Variants in TFR2 observed in about 807,000 individuals in gnomAD.
The protein encoded by TFR2 is transferrin receptor protein 2.
TFR2 carries 64 observed loss-of-function variants against 91.9 expected under a neutral mutation model. That is an observed-to-expected ratio of 0.70 (90% CI 0.57 to 0.86). TFR2 has a LOEUF of 0.86. TFR2 is among the 40% of genes least tolerant of loss of function. TFR2 has a pLI of 0.00. For missense variants in TFR2, 950 were observed against 1,080.5 expected (o/e 0.88, Z 1.69); for synonymous variants, 454 against 459.6 (o/e 0.99, Z 0.15).
At chr7:100,634,149 C>T (rs938755921) in intron 3 of TFR2, among the ~76,000 whole-genome samples, 1 of 151,392 alleles carries the variant, frequency 6.6e-6, no homozygotes, top group Non-Finnish European at 1.5e-5. Context: ...GCCAAACTCT[C>T]TCCCCCAACC....
chr7:100,624,793 G>GC (rs1240065510), intron 17 of TFR2, among the ~76,000 whole-genome samples: 2 of 151,842 alleles, frequency 1.3e-5, no homozygotes, highest in Admixed American at 6.6e-5. Context: ...GATTGCTTGA[G>GC]CCCGGGAGGT....
Position 100,626,797 on chromosome 7 carries a change from C to G in TFR2, c.2102G>C (p.Arg701Pro). ...GCGCACGTTGTACATGCGTGTCAGTCGCTCGTCTCTCTCCTCCGAGCTGTA... is the reference window on the plus strand; with the variant it reads ...GCGCACGTTGTACATGCGTGTCAGTGGCTCGTCTCTCTCCTCCGAGCTGTA... The part of the protein sequence containing the change: ...EIYSSEERDE[R>P]LTRMYNVRIM... Residue 701 changes from arginine (R) to proline (P), a missense_variant, in exon 17 of 18, where the codon CGA becomes CCA. Transcript: ENST00000223051. The G allele has an allele frequency of 1.3e-6, 2 of 1,548,380 alleles. No individual in the cohort carries two copies. The highest frequency in any genetic ancestry group is 1.7e-6 in the Non-Finnish European group (2 of 1,146,908).
At position 100,628,280 on chromosome 7, in the gene TFR2, AGAG is replaced by A. The variant is rs1803326430; in HGVS notation, c.1414_1416del (p.Leu472del). ...AAGTCACCACCGTCCCAGCTGATGA[AGAG>A]GAGACTTCTGCGGGGCCGGAAGCCT... On this transcript the variant is annotated inframe_deletion, in exon 11 of 18. Coordinates refer to ENST00000223051, the MANE Select transcript of TFR2 (RefSeq NM_003227.4). The A allele has an allele frequency of 6.2e-7, 1 of 1,613,966 alleles. No homozygotes were observed. Among genetic ancestry groups the A allele is most frequent in the Non-Finnish European group, 8.5e-7 (1 of 1,179,940 alleles).
At chr7:100,634,884 T>C (rs1467213597) in intron 3 of TFR2, among the ~76,000 whole-genome samples, 1 of 152,180 alleles carries the variant, frequency 6.6e-6, no homozygotes, top group Non-Finnish European at 1.5e-5. Context: ...GCAATCTAAA[T>C]CAGGATCCTG....
At chr7:100,631,648 C>G (rs1217409867) in intron 8 of TFR2, 158 bp downstream of exon 8, 4 of 969,700 alleles carry the variant, frequency 4.1e-6, no homozygotes, top group South Asian at 1.9e-5. Context: ...GTCAGGGTCT[C>G]TCTGTCTCCC....
intron 3 of TFR2, among the ~76,000 whole-genome samples, chr7:100,637,549 A>G (rs1308394648): frequency 6.6e-6 from 1 of 152,198 alleles, no homozygotes; most frequent in Admixed American, 6.6e-5. Flanking sequence ...AGCTAAGATC[A>G]TGCCACTGTA....
rs759516749 is a variant in TFR2 at position 100,627,436 on chromosome 7, T to C, written c.1823A>G (p.His608Arg). The change falls in exon 16 of 18, where the codon CAT becomes CGT. Residue 608 changes from histidine (H) to arginine (R), a missense_variant. Coordinates refer to ENST00000223051, the MANE Select transcript of TFR2 (RefSeq NM_003227.4). The stretch of plus-strand genomic sequence containing the variant: ...GGGCAGGCGGCCTTGCAGCACCTTA[T>C]GCAGGTTCTCATAAGTGTCCTCCTT... ...HTKEDTYENL[H>R]KVLQGRLPAV... The C allele has an allele frequency of 1.2e-5, 19 of 1,591,292 alleles. No homozygotes were observed. The highest frequency in any genetic ancestry group is 9.0e-5 in the Admixed American group (5 of 55,314).
In TFR2 at chr7:100,641,174, G is replaced by A. The variant is rs758433785; in HGVS notation, c.88C>T (p.Arg30Trp). ...QTVYQRVEGPRKGHLEEEEED... is the reference protein window; with the variant it reads ...QTVYQRVEGPWKGHLEEEEED... ...TCTTCCTCCTCCAGGTGCCCTTTCC[G>A]GGGGCCTTCCACACGCTGGTAGACG... The change falls in exon 2 of 18, where the codon CGG becomes TGG. Residue 30 changes from arginine (R) to tryptophan (W), a missense_variant. Physicochemically the swap from Arg to Trp is moderately radical, Grantham distance 101 (BLOSUM62 -3). Transcript: ENST00000223051. The A allele has an allele frequency of 9.2e-6, 14 of 1,526,542 alleles. No individual in the cohort carries two copies. Among genetic ancestry groups the A allele is most frequent in the African/African-American group, 1.4e-5 (1 of 72,484 alleles). 94.6% of individuals were successfully genotyped at this position (1,526,542 alleles called of 1,614,324 possible). A position where few individuals can be genotyped will look rare whatever the true frequency, so the allele number is the denominator to read the frequency against.
Position 100,626,631 on chromosome 7 carries a change from G to T in TFR2, c.2136+132C>A. 2.7e-6 allele frequency: 4 copies of T among 1,477,066 alleles called. No homozygotes were observed. In the East Asian group the frequency reaches 9.9e-5, roughly 37 times the overall value. 91.5% of individuals were successfully genotyped at this position (1,477,066 alleles called of 1,614,324 possible). On this transcript the variant is annotated intron_variant, in intron 17 of 17. Transcript: ENST00000223051. ...AGCACTGCGTGTCCAGGACTGGGAA[G>T]AGAGCATCCAGAGGACCGGGACTGT...
chr7:100,633,270 G>A lies in TFR2; in HGVS notation c.685C>T (p.Pro229Ser), dbSNP rs1326226413. 5.6e-6 allele frequency: 9 copies of A among 1,613,864 alleles called. No individual in the cohort carries two copies. Among genetic ancestry groups the A allele is most frequent in the African/African-American group, 1.3e-5 (1 of 75,046 alleles). The stretch of plus-strand genomic sequence containing the variant: ...GCGCTGTAGGGGCAGTAGACGTCAG[G>A]GTCCTCCAGCGGCAGCTGCTCTCCG... ...KVGEQLPLED[P>S]DVYCPYSAIG... The change falls in exon 5 of 18, where the codon CCT (proline) becomes TCT (serine). Residue 229 changes from proline to serine, a missense_variant. Pro to Ser is a moderately conservative substitution (Grantham distance 74, BLOSUM62 -1). Transcript: ENST00000223051.
intron 9 of TFR2, 141 bp from the exon 10 acceptor site, chr7:100,629,513 C>T: frequency 6.6e-7 from 1 of 1,516,302 alleles, no homozygotes; most frequent in Non-Finnish European, 8.9e-7. Flanking sequence ...AAGAGGGCGC[C>T]CCTCCCCACT....
chr7:100,636,864 A>G (rs1369052806), intron 3 of TFR2, among the ~76,000 whole-genome samples: 3 of 151,846 alleles, frequency 2.0e-5, no homozygotes, highest in African/African-American at 7.3e-5. Context: ...CTCTCTCCCC[A>G]AAACTGCTAC....
At chr7:100,622,938 G>A (rs2131306036) in intron 17 of TFR2, among the ~76,000 whole-genome samples, 1 of 148,558 alleles carries the variant, frequency 6.7e-6, no homozygotes, top group Middle Eastern at 3.5e-3. Context: ...CAGCCTGGGT[G>A]ACAGAGCAAG....
At position 100,627,595 on chromosome 7, in the gene TFR2, G is replaced by C. The variant is rs1300769708; in HGVS notation, c.1749C>G (p.Val583=). ...SFTAFVGVPA[V]EFSFMEDDQA... ...GTCTCACCTCCATAAAGGAGAACTCGACGGCAGGGACTCCCACAAAGGCCG... is the reference window on the plus strand; with the variant it reads ...GTCTCACCTCCATAAAGGAGAACTCCACGGCAGGGACTCCCACAAAGGCCG... Residue 583 remains valine, a synonymous_variant, in exon 15 of 18, where the codon GTC becomes GTG. Transcript: ENST00000223051. The C allele has an allele frequency of 1.9e-6, 3 of 1,614,134 alleles. No individual in the cohort carries two copies. The highest frequency in any genetic ancestry group is 1.1e-5 in the South Asian group (1 of 91,080).
At chr7:100,626,950 C>T (rs1340789321) in intron 16 of TFR2, 47 bp from the exon 17 acceptor site, 2 of 1,517,664 alleles carry the variant, frequency 1.3e-6, no homozygotes, top group Admixed American at 4.1e-5. Flanking sequence ...GGGCCAGGAC[C>T]CCCGCCTAGC....
chr7:100,624,805 G>A, intron 17 of TFR2, among the ~76,000 whole-genome samples: 1 of 151,796 alleles, frequency 6.6e-6, no homozygotes, highest in East Asian at 2.0e-4. Context: ...CCGGGAGGTG[G>A]AGGTTGCCGT....
At chr7:100,623,330 A>G (rs550067512) in intron 17 of TFR2, among the ~76,000 whole-genome samples, 1 of 152,334 alleles carries the variant, frequency 6.6e-6, no homozygotes, top group South Asian at 2.1e-4. Context: ...TTCTAAGACA[A>G]CTATTATTAT....
chr7:100,631,785 G>T, intron 8 of TFR2, 21 bp downstream of exon 8: 1 of 1,608,274 alleles, frequency 6.2e-7, no homozygotes, highest in Non-Finnish European at 8.5e-7. Context: ...CTCCTCTTCT[G>T]GTCCCCAACA....
Position 100,624,537 on chromosome 7 carries a change from G to A in TFR2, c.2136+2226C>T, listed in dbSNP as rs573159687. On this transcript the variant is annotated intron_variant, in intron 17 of 17. Coordinates refer to ENST00000223051, the MANE Select transcript of TFR2 (RefSeq NM_003227.4). ...TTACACAAAAGTAGCCATAGAGAGC[G>A]TGAAAACCAATAAGCATGGCTGTTT... is the stretch of plus-strand genomic sequence containing the variant. 9.1e-5 allele frequency among the ~76,000 whole-genome samples: 7 copies of A among 76,788 alleles called. No individual in the cohort carries two copies. The East Asian group carries it at 2.6e-3, about 28-fold the overall frequency. The allele number at this position is 76,788 out of a possible 152,430, so 50.4% of individuals were successfully genotyped here.
Sources: allele counts gnomAD v4.1 joint callset (sites outside exome capture counted in the v4.1 genomes callset), GRCh38; gene constraint gnomAD v4.1.1; transcripts MANE v1.5; gene names NCBI Gene and HGNC (gene_info 2026-07-23, HGNC 2026-07-21).